The following PIH1D2 variants were observed in gnomAD, a reference collection of about 807,000 sequenced individuals.
The protein encoded by PIH1D2 is PIH1 domain containing 2.
In PIH1D2, 25 loss-of-function variants were observed where a neutral mutation model predicts 31.2. That is an observed-to-expected ratio of 0.80 (90% confidence interval 0.58 to 1.12). The LOEUF is 1.12. Ranked by LOEUF, PIH1D2 falls within the 50% of genes most tolerant of loss-of-function variation. The pLI is 0.00. For missense variants in PIH1D2, 310 were observed against 356.6 expected (o/e 0.87, Z 1.05); for synonymous variants, 116 against 119.9 (o/e 0.97, Z 0.21).
At chr11:112,066,677 T>C (rs1424086019), downstream of PIH1D2, among the ~76,000 whole-genome samples, 1 of 151,848 alleles carries the variant, frequency 6.6e-6, no homozygotes, top group Non-Finnish European at 1.5e-5. Context: ...TGTTACTATG[T>C]CATTGTATCC....
downstream of PIH1D2, chr11:112,064,097 A>G: frequency 7.8e-7 from 1 of 1,279,786 alleles, no homozygotes. Context: ...TTTTAGGTTG[A>G]AGATTATCCA....
the PIH1D2 span, among the ~76,000 whole-genome samples, chr11:112,057,247 A>G: frequency 6.6e-6 from 1 of 152,168 alleles, no homozygotes; most frequent in Non-Finnish European, 1.5e-5. Flanking sequence ...TCCCTATTCC[A>G]TGAGACACAA....
chr11:112,055,235 ATTTTTTTTTTTTTTTTTT>A, the PIH1D2 span, among the ~76,000 whole-genome samples: 2 of 75,444 alleles, frequency 2.7e-5, no homozygotes, highest in Admixed American at 3.6e-4. Flanking sequence ...GTCAAGGCCT[ATTTTTTTTTTTTTTTTTT>A]TTTTTTTTGA....
chr11:112,054,275 G>A, the PIH1D2 span, among the ~76,000 whole-genome samples: 3 of 152,004 alleles, frequency 2.0e-5, no homozygotes, highest in Non-Finnish European at 2.9e-5. Flanking sequence ...GGGATTGCAC[G>A]CGCCACTGCA....
chr11:112,070,147 A>G lies in PIH1D2; in HGVS notation c.813+289T>C, dbSNP rs1041876434. On this transcript the variant is annotated intron_variant, in intron 5 of 5. Transcript: ENST00000280350. ...GAGAATACACTTCTCAGTCCTACTG[A>G]TGTAGAACTGGCCTTGTGACTTACT... 4 of 566,930 alleles carry G rather than the reference A, an allele frequency of 7.1e-6. No homozygotes were observed. In the African/African-American group the frequency reaches 7.5e-5, roughly 11 times the overall value. 35.1% of individuals were successfully genotyped at this position (566,930 alleles called of 1,614,324 possible).
chr11:112,071,361 A>G, intron 3 of PIH1D2, 78 bp from the exon 4 acceptor site: 3 of 1,450,054 alleles, frequency 2.1e-6, no homozygotes, highest in Non-Finnish European at 2.8e-6. Context: ...ATATTAAACC[A>G]TATTCCTGAT....
At chr11:112,058,194 G>C in the PIH1D2 span, among the ~76,000 whole-genome samples, 9 of 152,134 alleles carry the variant, frequency 5.9e-5, no homozygotes, top group Non-Finnish European at 1.3e-4. Flanking sequence ...GGATTCAGTG[G>C]TGAACAATAT....
rs1555184474 is a variant in PIH1D2 at position 112,070,712 on chromosome 11, A to G, written c.548-11T>C. On this transcript the variant is annotated splice_polypyrimidine_tract_variant and intron_variant, in intron 4 of 5. Transcript: ENST00000280350. Reference sequence around the variant, plus strand: ...GTCCAAGAGTTAGTTCTTTATGAAAAAAAGGGTGGAGGGGAGATAAAAAAT... The same window carrying G: ...GTCCAAGAGTTAGTTCTTTATGAAAGAAAGGGTGGAGGGGAGATAAAAAAT... 6.2e-7 allele frequency: 1 copy of G among 1,608,930 alleles called. No homozygotes were observed. Among genetic ancestry groups the G allele is most frequent in the African/African-American group, 1.3e-5 (1 of 74,808 alleles).
chr11:112,068,750 C>T (rs1865012852), intron 5 of PIH1D2, among the ~76,000 whole-genome samples: 1 of 151,994 alleles, frequency 6.6e-6, no homozygotes. Context: ...TGCCACTGCA[C>T]TCCAGCCTGG....
At chr11:112,062,696 A>G, downstream of PIH1D2, 3 of 814,456 alleles carry the variant, frequency 3.7e-6, no homozygotes, top group Non-Finnish European at 1.9e-6. Flanking sequence ...TGAATTTTTA[A>G]AATGCCGATT....
chr11:112,061,090 C>G, downstream of PIH1D2: 2 of 1,613,478 alleles, frequency 1.2e-6, no homozygotes, highest in Non-Finnish European at 1.7e-6. Flanking sequence ...AAGAATTTCT[C>G]TGCTATTATT....
chr11:112,073,348 C>T, intron 1 of PIH1D2, 143 bp from the exon 2 acceptor site: 2 of 520,306 alleles, frequency 3.8e-6, no homozygotes, highest in Admixed American at 6.8e-5. Flanking sequence ...ATCAGCACCA[C>T]TTTATGTTTT....
At chr11:112,058,362 GTGTT>G (rs1555182807), downstream of PIH1D2, among the ~76,000 whole-genome samples, 1 of 152,182 alleles carries the variant, frequency 6.6e-6, no homozygotes, top group African/African-American at 2.4e-5. Context: ...GCAGGTTCCT[GTGTT>G]TGTTTGCAAG....
chr11:112,056,427 T>C, the PIH1D2 span, among the ~76,000 whole-genome samples: 3 of 152,348 alleles, frequency 2.0e-5, no homozygotes, highest in African/African-American at 4.8e-5. Flanking sequence ...TTTATAGAAA[T>C]GGAGTCATAA....
downstream of PIH1D2, among the ~76,000 whole-genome samples, chr11:112,058,633 G>GC (rs2135145254): frequency 7.6e-6 from 1 of 130,732 alleles, no homozygotes; most frequent in South Asian, 2.9e-4. Flanking sequence ...GGTGGGGGGG[G>GC]GGAATCACCT....
At chr11:112,071,830 C>A in intron 2 of PIH1D2, 72 bp from the exon 3 acceptor site, 1 of 1,538,248 alleles carries the variant, frequency 6.5e-7, no homozygotes, top group South Asian at 1.2e-5. Flanking sequence ...TGGTGGCTCC[C>A]GCCTGTAATC....
chr11:112,059,935 G>T (rs782629889), downstream of PIH1D2: 66 of 1,612,670 alleles, frequency 4.1e-5, no homozygotes, highest in Non-Finnish European at 5.6e-5. Flanking sequence ...GTTGCGGTCA[G>T]TACTCCTGCA....
Position 112,071,682 on chromosome 11 carries a change from G to T in PIH1D2, c.254C>A (p.Pro85Gln). ...TGGTTTGCCAACAGTTAGAGGTACT[G>T]GATGAGTGGTTGATTGGGGAGCTGG... ...RIPAPQSTTH[P>Q]VPLTVGKPED... Residue 85 changes from proline to glutamine, a missense_variant, in exon 3 of 6, where the codon CCA (proline) becomes CAA (glutamine). Physicochemically the swap from Pro to Gln is moderately conservative, Grantham distance 76. Transcript: ENST00000280350. 6.2e-7 allele frequency: 1 copy of T among 1,613,388 alleles called. No homozygotes were observed. The highest frequency in any genetic ancestry group is 8.5e-7 in the Non-Finnish European group (1 of 1,179,306).
chr11:112,064,067 G>T, downstream of PIH1D2: 3 of 1,007,740 alleles, frequency 3.0e-6, no homozygotes, highest in Non-Finnish European at 4.2e-6. Flanking sequence ...ACATTAATTT[G>T]ATTTTTCAGT....
Sources: gnomAD v4.1 joint callset for allele counts (sites outside exome capture counted in the v4.1 genomes callset) on GRCh38, gnomAD v4.1.1 for gene constraint, MANE v1.5 for transcripts, NCBI Gene and HGNC (gene_info 2026-07-23, HGNC 2026-07-21) for gene names.